Variants in SASH1 observed in about 807,000 individuals in gnomAD.
The protein encoded by SASH1 is SAM and SH3 domain-containing protein 1.
A neutral mutation model predicts 125.2 loss-of-function variants in SASH1; 44 were observed. That is an observed-to-expected ratio of 0.35 (90% CI 0.28 to 0.45). SASH1 has a LOEUF of 0.45. SASH1 is among the 20% of genes least tolerant of loss of function. SASH1 has a pLI of 1.00. For missense variants in SASH1, 1,426 were observed against 1,614.5 expected, an observed-to-expected ratio of 0.88 and a Z score of 2.00; for synonymous variants, 639 against 649.1, an observed-to-expected ratio of 0.98 and a Z score of 0.24.
chr6:148,257,716 C>T, the SASH1 span, among the ~76,000 whole-genome samples: 58 of 151,496 alleles, frequency 3.8e-4, no homozygotes, highest in African/African-American at 1.1e-3. Flanking sequence ...CTGCAAACTC[C>T]GCCTCCTGGG....
chr6:148,544,895 CAT>C lies in SASH1; in HGVS notation c.3348+78_3348+79del, dbSNP rs1195705984. ...CAGGCAGCCAGGTGAGATGAACCCA[CAT>C]CTGAAGCCAGCCCGGTAGCCCGCCC... On this transcript the variant is annotated intron_variant, in intron 18 of 19. Coordinates refer to ENST00000367467, the MANE Select transcript of SASH1 (RefSeq NM_015278.5). The surrounding 1 kb of genome is among the most constrained non-coding windows in gnomAD (Gnocchi z 6.4). 1 of 1,413,272 alleles carries C rather than the reference CAT, an allele frequency of 7.1e-7. No homozygotes were observed. The highest frequency in any genetic ancestry group is 9.4e-7 in the Non-Finnish European group (1 of 1,061,598). The allele number at this position is 1,413,272 out of a possible 1,614,324, so 87.5% of individuals were successfully genotyped here. A position where few individuals can be genotyped will look rare whatever the true frequency, so the allele number is the denominator to read the frequency against.
intron 4 of SASH1, among the ~76,000 whole-genome samples, chr6:148,443,267 G>T (rs1776623509): frequency 6.6e-6 from 1 of 150,752 alleles, no homozygotes; most frequent in African/African-American, 2.4e-5. Context: ...TGAAGTATTT[G>T]TTGTTTAGGG....
At chr6:148,244,876 C>T in the SASH1 span, among the ~76,000 whole-genome samples, 1 of 145,922 alleles carries the variant, frequency 6.9e-6, no homozygotes, top group Non-Finnish European at 1.5e-5. Context: ...TTCACAGGTT[C>T]TGGGGCCTGG....
At chr6:148,512,875 G>A (rs964832454) in intron 8 of SASH1, 3 of 985,148 alleles carry the variant, frequency 3.0e-6, no homozygotes, top group Non-Finnish European at 2.4e-6. Flanking sequence ...TAGGTTTATA[G>A]TTAACCATAA....
At chr6:148,322,905 T>A (rs1325947608) in intron 1 of SASH1, among the ~76,000 whole-genome samples, 3 of 116,038 alleles carry the variant, frequency 2.6e-5, no homozygotes, top group African/African-American at 9.8e-5. Context: ...TCTTTCTCTC[T>A]CTTTCTTTCT....
rs751049278 is a variant in SASH1, at chr6:148,421,146, GAAGAAAGAAAGAAAGA to G, written c.286-18983_286-18968del. Among the ~76,000 whole-genome samples, 526 of 71,196 alleles carry G rather than the reference GAAGAAAGAAAGAAAGA, an allele frequency of 7.4e-3. 8 individuals are homozygous for G. The highest frequency in any genetic ancestry group is 0.02 in the South Asian group (48 of 2,420). The allele number at this position is 71,196 out of a possible 152,430, so 46.7% of individuals were successfully genotyped here. ...GGAAGAAAGGAAGGAAGGAAGGAAG[GAAGAAAGAAAGAAAGA>G]AAGAAAGAAAGAAAGAAAGAAAGAA... On this transcript the variant is annotated intron_variant, in intron 2 of 19. Transcript: ENST00000367467.
chr6:148,483,665 G>T (rs1778722441), intron 7 of SASH1, among the ~76,000 whole-genome samples: 1 of 152,170 alleles, frequency 6.6e-6, no homozygotes, highest in African/African-American at 2.4e-5. Flanking sequence ...GCTGATTGGG[G>T]ATGGGGAGCA....
rs142915694 is a variant in SASH1 at position 148,514,380 on chromosome 6, C to T, written c.786C>T (p.His262=). 10 of 1,557,330 alleles carry T rather than the reference C, an allele frequency of 6.4e-6. No individual in the cohort carries two copies. The highest frequency in any genetic ancestry group is 7.8e-6 in the Non-Finnish European group (9 of 1,149,664). Residue 262 remains histidine (H), a synonymous_variant, in exon 9 of 20, where the codon CAC becomes CAT. Transcript: ENST00000367467. The part of the protein sequence containing the change: ...TEESVKFKRL[H]KLVNSTRRVR... ...AGTCGGTGAAGTTTAAGAGGTTACA[C>T]AAGCTGGTAAACTCCACTCGCAGAG...
the SASH1 span, among the ~76,000 whole-genome samples, chr6:148,198,453 G>A: frequency 1.3e-5 from 2 of 152,118 alleles, no homozygotes; most frequent in African/African-American, 4.8e-5. Context: ...CTGATATTTG[G>A]CTACTTGGCA....
chr6:148,258,260 T>TACCGTCTTGCTTGTGCA, the SASH1 span, among the ~76,000 whole-genome samples: 1 of 152,156 alleles, frequency 6.6e-6, no homozygotes, highest in Non-Finnish European at 1.5e-5. Flanking sequence ...TTGTGCTAGA[T>TACCGTCTTGCTTGTGCA]TGAGCCATTT....
At chr6:148,542,589 G>A (rs1007906327) in intron 17 of SASH1, among the ~76,000 whole-genome samples, 6 of 152,136 alleles carry the variant, frequency 3.9e-5, no homozygotes, top group Admixed American at 1.3e-4. Context: ...GGGTTTCACC[G>A]TGTTAGCCAG....
chr6:148,326,335 T>TATATATATATATATATGC (rs1780804718), intron 1 of SASH1, among the ~76,000 whole-genome samples: 13 of 67,144 alleles, frequency 1.9e-4, no homozygotes, highest in African/African-American at 6.5e-4. Flanking sequence ...TATATATATA[T>TATATATATATATATATGC]ATATATATAT....
rs534159885 is a variant in SASH1, at chr6:148,548,580, C to A, written c.*22C>A. The A allele has an allele frequency of 8.9e-6, 14 of 1,569,046 alleles. No individual in the cohort carries two copies. The Admixed American group carries it at 2.6e-4, about 29-fold the overall frequency. On this transcript the variant is annotated 3_prime_UTR_variant, in exon 20 of 20. Transcript: ENST00000367467. ...GTAGCCAGGCCCGGAATGGGCCTCT[C>A]TGGACAAGAGCCACCCTTTCACTGT...
chr6:148,320,811 C>T (rs1165123424), intron 1 of SASH1, among the ~76,000 whole-genome samples: 1 of 152,166 alleles, frequency 6.6e-6, no homozygotes, highest in East Asian at 1.9e-4. Flanking sequence ...AAACAGAGAG[C>T]TTCAAGTCCC....
intron 2 of SASH1, among the ~76,000 whole-genome samples, chr6:148,417,261 A>C (rs1182887345): frequency 6.6e-6 from 1 of 152,156 alleles, no homozygotes; most frequent in Non-Finnish European, 1.5e-5. Flanking sequence ...ACTGACTGGG[A>C]GGGCCAGTAG....
the SASH1 span, among the ~76,000 whole-genome samples, chr6:148,264,575 G>C: frequency 6.6e-6 from 1 of 152,160 alleles, no homozygotes; most frequent in Admixed American, 6.5e-5. Context: ...ATACAACCCG[G>C]CCTCTCAAGA....
chr6:148,292,410 C>T lies in SASH1; in HGVS notation n.74+20033C>T, dbSNP rs886107627. Among the ~76,000 whole-genome samples the T allele has an allele frequency of 2.8e-4, 43 of 152,164 alleles. 1 individual carries two copies. The highest frequency in any genetic ancestry group is 4.4e-5 in the Non-Finnish European group (3 of 68,042). On this transcript the variant is annotated intron_variant and non_coding_transcript_variant, in intron 1 of 3. Transcript: ENST00000367469. ...TATCCTGGGATATGGGCTAATGGAG[C>T]CTTCCACAGAAATGGGATTGTTTTT...
chr6:148,220,479 C>T, the SASH1 span, among the ~76,000 whole-genome samples: 1 of 152,156 alleles, frequency 6.6e-6, no homozygotes, highest in Non-Finnish European at 1.5e-5. Flanking sequence ...TAAGTTGCAA[C>T]GTTAATTCTA....
chr6:148,387,640 CTTTCTTTCTTTCTT>C (rs1783499834), intron 1 of SASH1, among the ~76,000 whole-genome samples: 1 of 40,254 alleles, frequency 2.5e-5, no homozygotes, highest in African/African-American at 9.2e-5. Context: ...TTCTTTCTTT[CTTTCTTTCTTTCTT>C]TCTTTCTTTC....
Sources: gnomAD v4.1 joint callset for allele counts (sites outside exome capture counted in the v4.1 genomes callset) on GRCh38, gnomAD v4.1.1 for gene constraint, Gnocchi (gnomAD v3.1) non-coding constraint, MANE v1.5 for transcripts, NCBI Gene and HGNC (gene_info 2026-07-23, HGNC 2026-07-21) for gene names.